Variants in RAPGEF5 observed in about 807,000 individuals in gnomAD.
RAPGEF5 encodes the protein M-Ras-regulated GEF.
RAPGEF5 carries 65 observed loss-of-function variants against 125.2 expected under a neutral mutation model. That is an observed-to-expected ratio of 0.52 (90% CI 0.43 to 0.64). The LOEUF is 0.64. RAPGEF5 is among the 30% of genes least tolerant of loss of function. RAPGEF5 has a pLI of 0.00. For missense variants in RAPGEF5, 958 were observed against 1,048.1 expected (o/e 0.91, Z 1.19); for synonymous variants, 391 against 385.9 (o/e 1.01, Z -0.16).
At chr7:22,131,152 G>C (rs1349193700) in intron 23 of RAPGEF5, 51 bp from the exon 24 acceptor site, 1 of 1,491,982 alleles carries the variant, frequency 6.7e-7, no homozygotes, top group Non-Finnish European at 8.9e-7. Flanking sequence ...TGGATCATGA[G>C]TCAGGGCTGA....
At chr7:22,290,924 T>C (rs921336460) in intron 6 of RAPGEF5, among the ~76,000 whole-genome samples, 1 of 152,022 alleles carries the variant, frequency 6.6e-6, no homozygotes, top group African/African-American at 2.4e-5. Flanking sequence ...AAAAATCAGA[T>C]ACTACACCTC....
intron 11 of RAPGEF5, among the ~76,000 whole-genome samples, chr7:22,185,923 C>G (rs945392059): frequency 6.6e-6 from 1 of 151,858 alleles, no homozygotes; most frequent in African/African-American, 2.4e-5. Flanking sequence ...GGTGCGATCT[C>G]AGCTCACTGA....
chr7:22,142,936 T>C (rs1011878161), intron 20 of RAPGEF5, among the ~76,000 whole-genome samples: 4 of 152,238 alleles, frequency 2.6e-5, no homozygotes, highest in African/African-American at 9.6e-5. Flanking sequence ...TGGCATTCTA[T>C]TCCATGGGTT....
chr7:22,222,020 G>A (rs1416150037), intron 8 of RAPGEF5, among the ~76,000 whole-genome samples: 1 of 152,172 alleles, frequency 6.6e-6, no homozygotes, highest in Non-Finnish European at 1.5e-5. Context: ...GCTGAGGAGG[G>A]TGGATCACCT....
At chr7:22,141,219 AT>A (rs1329959267) in intron 20 of RAPGEF5, among the ~76,000 whole-genome samples, 1 of 152,160 alleles carries the variant, frequency 6.6e-6, no homozygotes, top group Non-Finnish European at 1.5e-5. Flanking sequence ...ATGATTTTCA[AT>A]TTTCCCAGTT....
chr7:22,140,261 C>T (rs1783214177), intron 20 of RAPGEF5, 146 bp from the exon 21 acceptor site: 1 of 673,814 alleles, frequency 1.5e-6, no homozygotes, highest in African/African-American at 1.8e-5. Flanking sequence ...TGCCCTTCAG[C>T]TGTCTCTAAT....
intron 7 of RAPGEF5, among the ~76,000 whole-genome samples, chr7:22,249,277 A>T (rs1786558515): frequency 6.6e-6 from 1 of 152,090 alleles, no homozygotes; most frequent in Non-Finnish European, 1.5e-5. Flanking sequence ...CTGCAACCTC[A>T]GCGTCCCAGG....
In RAPGEF5 at chr7:22,122,328, C is replaced by A; in HGVS notation, c.*78G>T. 1 of 1,231,496 alleles carries A rather than the reference C, an allele frequency of 8.1e-7. No homozygotes were observed. Among genetic ancestry groups the A allele is most frequent in the Non-Finnish European group, 1.2e-6 (1 of 854,234 alleles). The allele number at this position is 1,231,496 out of a possible 1,614,324, so 76.3% of individuals were successfully genotyped here. A position where few individuals can be genotyped will look rare whatever the true frequency, so the allele number is the denominator to read the frequency against. On this transcript the variant is annotated 3_prime_UTR_variant, in exon 26 of 26. Transcript: ENST00000665637. ...TAAAACTCAGCAACTTCTTTTCTCA[C>A]AGGAAAGCAACGTGCTTGGCATAGA...
intron 9 of RAPGEF5, among the ~76,000 whole-genome samples, chr7:22,207,637 T>A (rs1222405800): frequency 6.6e-6 from 1 of 152,252 alleles, no homozygotes; most frequent in Admixed American, 6.5e-5. Context: ...AGCAAGTTGC[T>A]TGCTACTTTA....
intron 7 of RAPGEF5, among the ~76,000 whole-genome samples, chr7:22,259,164 A>AAAAT (rs60661022): frequency 0.4 from 60,374 of 151,716 alleles, 12,840 homozygotes; most frequent in East Asian, 0.73. Context: ...CAACAATAAG[A>AAAAT]AAACATACCA....
At chr7:22,229,973 G>A (rs2128134380) in intron 8 of RAPGEF5, among the ~76,000 whole-genome samples, 1 of 152,216 alleles carries the variant, frequency 6.6e-6, no homozygotes, top group South Asian at 2.1e-4. Flanking sequence ...ACAAAATCCT[G>A]AACAGTAAGG....
At chr7:22,160,401 A>G in intron 14 of RAPGEF5, 117 bp downstream of exon 14, 1 of 949,638 alleles carries the variant, frequency 1.1e-6, no homozygotes, top group East Asian at 2.8e-5. Context: ...TAAGGCATCA[A>G]GATGAATCTG....
At chr7:22,229,462 C>G (rs181307830) in intron 8 of RAPGEF5, among the ~76,000 whole-genome samples, 6 of 152,160 alleles carry the variant, frequency 3.9e-5, no homozygotes, top group Non-Finnish European at 8.8e-5. Context: ...CTGAAGTAAT[C>G]TGAAATACTG....
intron 18 of RAPGEF5, among the ~76,000 whole-genome samples, chr7:22,149,663 C>G (rs770795536): frequency 2.0e-5 from 3 of 152,192 alleles, no homozygotes; most frequent in Non-Finnish European, 4.4e-5. Flanking sequence ...TGACCCCGTT[C>G]TACACAGAGA....
At chr7:22,224,431 C>T (rs1785866254) in intron 8 of RAPGEF5, among the ~76,000 whole-genome samples, 1 of 152,112 alleles carries the variant, frequency 6.6e-6, no homozygotes, top group South Asian at 2.1e-4. Flanking sequence ...AATTCATGTA[C>T]GTCAACCAGC....
intron 17 of RAPGEF5, 65 bp downstream of exon 17, chr7:22,154,390 G>A: frequency 6.4e-7 from 1 of 1,561,060 alleles, no homozygotes; most frequent in Non-Finnish European, 8.7e-7. Flanking sequence ...CTACAAAAAT[G>A]TCACCTCCCT....
intron 16 of RAPGEF5, among the ~76,000 whole-genome samples, chr7:22,156,061 T>C (rs1416912630): frequency 1.3e-5 from 2 of 152,232 alleles, no homozygotes; most frequent in African/African-American, 2.4e-5. Context: ...AAACACTATC[T>C]AATGTAATAA....
At chr7:22,229,572 T>C (rs1766818851) in intron 8 of RAPGEF5, among the ~76,000 whole-genome samples, 1 of 152,226 alleles carries the variant, frequency 6.6e-6, no homozygotes, top group South Asian at 2.1e-4. Context: ...CCAATGAGCA[T>C]ACATTTTTAT....
intron 6 of RAPGEF5, among the ~76,000 whole-genome samples, chr7:22,287,682 G>A (rs1782829456): frequency 6.6e-6 from 1 of 152,180 alleles, no homozygotes; most frequent in African/African-American, 2.4e-5. Context: ...ACTGTTCCCT[G>A]AGTGATATAG....
Sources: gnomAD v4.1 joint callset for allele counts (sites outside exome capture counted in the v4.1 genomes callset) on GRCh38, gnomAD v4.1.1 for gene constraint, MANE v1.5 for transcripts, NCBI Gene and HGNC (gene_info 2026-07-23, HGNC 2026-07-21) for gene names.